The following PARN variants were observed in gnomAD, a reference collection of about 807,000 sequenced individuals.
PARN encodes poly(A)-specific ribonuclease, also known as poly(A)-specific ribonuclease PARN.
Under a neutral mutation model 102.8 loss-of-function variants are expected in PARN, and 71 were observed. The observed-to-expected ratio is 0.69, with a 90% CI of 0.57 to 0.84. The LOEUF is 0.84. Ranked by LOEUF, PARN falls within the 40% of genes least tolerant of loss-of-function variation. The pLI is 0.00. For missense variants in PARN, 782 were observed against 760.9 expected (o/e 1.03, Z -0.33); for synonymous variants, 261 against 252.9 (o/e 1.03, Z -0.30).
intron 22 of PARN, among the ~76,000 whole-genome samples, chr16:14,453,251 T>A (rs1368452373): frequency 1.3e-5 from 2 of 152,244 alleles, no homozygotes; most frequent in Non-Finnish European, 2.9e-5. Context: ...CTTTGATTAG[T>A]GTTTTGTTAA....
chr16:14,612,122 T>C (rs1971551581), intron 6 of PARN, among the ~76,000 whole-genome samples: 1 of 151,986 alleles, frequency 6.6e-6, no homozygotes, highest in Admixed American at 6.6e-5. Context: ...AGATGAAGGA[T>C]AAAGGGAAAG....
intron 21 of PARN, among the ~76,000 whole-genome samples, chr16:14,546,062 G>C (rs967389604): frequency 2.0e-5 from 3 of 152,134 alleles, no homozygotes; most frequent in Non-Finnish European, 4.4e-5. Context: ...AATGGTAACA[G>C]CTGACTGGAA....
At chr16:14,514,913 C>T (rs1965386115) in intron 21 of PARN, among the ~76,000 whole-genome samples, 1 of 152,156 alleles carries the variant, frequency 6.6e-6, no homozygotes, top group South Asian at 2.1e-4. Flanking sequence ...GGGGAAGCTA[C>T]GTTAAATCAA....
intron 11 of PARN, among the ~76,000 whole-genome samples, chr16:14,603,715 C>T (rs1311967863): frequency 6.6e-6 from 1 of 152,204 alleles, no homozygotes; most frequent in Non-Finnish European, 1.5e-5. Flanking sequence ...TCACTCGAAA[C>T]CATTCTTCAC....
intron 12 of PARN, among the ~76,000 whole-genome samples, chr16:14,599,671 C>G (rs1407192698): frequency 1.3e-5 from 2 of 152,048 alleles, no homozygotes; most frequent in Admixed American, 6.6e-5. Flanking sequence ...TAGTGTAACC[C>G]TCCTATGCAT....
At chr16:14,610,289 A>G (rs2151796997) in intron 7 of PARN, among the ~76,000 whole-genome samples, 1 of 152,102 alleles carries the variant, frequency 6.6e-6, no homozygotes, top group South Asian at 2.1e-4. Context: ...CGTGGCCAAC[A>G]TGGCAAAACC....
At chr16:14,588,277 G>C (rs1567419258) in intron 13 of PARN, among the ~76,000 whole-genome samples, 1 of 152,182 alleles carries the variant, frequency 6.6e-6, no homozygotes, top group Non-Finnish European at 1.5e-5. Flanking sequence ...AAAAAGGAGA[G>C]CAACAAGGGA....
intron 21 of PARN, among the ~76,000 whole-genome samples, chr16:14,550,157 C>CA (rs1208609310): frequency 7.2e-5 from 11 of 152,132 alleles, no homozygotes; most frequent in South Asian, 2.1e-4. Flanking sequence ...TCAAGGTCCC[C>CA]ACCCCCACCT....
intron 21 of PARN, among the ~76,000 whole-genome samples, chr16:14,525,943 C>T (rs542830171): frequency 9.6e-4 from 146 of 151,994 alleles, no homozygotes; most frequent in Non-Finnish European, 1.6e-3. Flanking sequence ...CTCAGCCTCC[C>T]GAGTAGCTAG....
chr16:14,441,121 G>A (rs1960920985), intron 23 of PARN, among the ~76,000 whole-genome samples: 1 of 152,152 alleles, frequency 6.6e-6, no homozygotes, highest in African/African-American at 2.4e-5. Flanking sequence ...ATTTGGCCAA[G>A]AGTTTCTAAA....
intron 18 of PARN, among the ~76,000 whole-genome samples, chr16:14,557,589 C>T (rs1050944401): frequency 6.8e-6 from 1 of 146,776 alleles, no homozygotes; most frequent in Non-Finnish European, 1.5e-5. Flanking sequence ...CCAAGCAGGG[C>T]AAAAGCTAGT....
At chr16:14,515,681 A>G (rs1965422120) in intron 21 of PARN, among the ~76,000 whole-genome samples, 1 of 152,212 alleles carries the variant, frequency 6.6e-6, no homozygotes, top group Admixed American at 6.5e-5. Flanking sequence ...TGTACCCATA[A>G]TCCTAGCTAC....
At chr16:14,593,472 C>A in intron 12 of PARN, 94 bp from the exon 13 acceptor site, 3 of 157,374 alleles carry the variant, frequency 1.9e-5, no homozygotes, top group Non-Finnish European at 2.5e-5. Flanking sequence ...GGACTTTGTA[C>A]TAAACTCGCT....
intron 13 of PARN, among the ~76,000 whole-genome samples, chr16:14,592,774 C>T (rs1277716099): frequency 6.6e-6 from 1 of 152,204 alleles, no homozygotes; most frequent in Non-Finnish European, 1.5e-5. Context: ...GAGCAAACCA[C>T]TGGCATTAAG....
intron 21 of PARN, among the ~76,000 whole-genome samples, chr16:14,486,102 C>G (rs1963671520): frequency 1.3e-5 from 2 of 152,196 alleles, no homozygotes; most frequent in African/African-American, 4.8e-5. Flanking sequence ...TGCCTACAGT[C>G]CCAGCACTCT....
intron 18 of PARN, among the ~76,000 whole-genome samples, chr16:14,557,818 C>T (rs1293746564): frequency 1.3e-5 from 2 of 152,136 alleles, no homozygotes; most frequent in Non-Finnish European, 2.9e-5. Flanking sequence ...TCAATACTCC[C>T]TGCAATGCCA....
At chr16:14,599,774 G>A (rs766682266) in intron 12 of PARN, 130 bp downstream of exon 12, 32 of 577,094 alleles carry the variant, frequency 5.5e-5, no homozygotes, top group Non-Finnish European at 7.8e-5. Context: ...TCTTGATGAA[G>A]TTCTAACTTC....
At chr16:14,624,552 A>G (rs1972521665) in intron 5 of PARN, among the ~76,000 whole-genome samples, 1 of 152,220 alleles carries the variant, frequency 6.6e-6, no homozygotes, top group Non-Finnish European at 1.5e-5. Flanking sequence ...TGGTTTGTAC[A>G]ATGGGTGAAG....
chr16:14,554,991 G>A (rs1234130999), intron 19 of PARN, among the ~76,000 whole-genome samples: 1 of 152,152 alleles, frequency 6.6e-6, no homozygotes, highest in East Asian at 1.9e-4. Flanking sequence ...TATAAACTGG[G>A]AATGGCAATA....
Sources: allele counts gnomAD v4.1 joint callset (sites outside exome capture counted in the v4.1 genomes callset), GRCh38; gene constraint gnomAD v4.1.1; transcripts MANE v1.5; gene names NCBI Gene and HGNC (gene_info 2026-07-23, HGNC 2026-07-21).